The following RAB9B variants were observed in gnomAD, a reference collection of about 807,000 sequenced individuals.
RAB9B encodes RAB9B, member RAS oncogene family.
RAB9B carries 1 observed loss-of-function variant against 8.9 expected under a neutral mutation model. That is an observed-to-expected ratio of 0.11 (90% CI 0.04 to 0.53). The LOEUF is 0.53. RAB9B is among the 20% of genes least tolerant of loss of function. The pLI, the probability that RAB9B is intolerant of heterozygous loss-of-function variation, is 0.93. For missense variants in RAB9B, 82 were observed against 152.9 expected (o/e 0.54, Z 2.45); for synonymous variants, 63 against 57.0 (o/e 1.10, Z -0.47).
the RAB9B span, chrX:103,787,716 G>T: frequency 1.2e-6 from 1 of 838,111 alleles, no homozygotes; most frequent in South Asian, 2.0e-5. Context: ...TCTGGCACAC[G>T]CCACTCCAGG....
At chrX:103,816,610 A>T in the RAB9B span, among the ~76,000 whole-genome samples, 1 of 112,407 alleles carries the variant, frequency 8.9e-6, no homozygotes, top group Non-Finnish European at 1.9e-5. Context: ...GAGCTTCTGC[A>T]CAGAAAAATA....
At chrX:103,826,174 C>T (rs2074682732) in intron 2 of RAB9B, among the ~76,000 whole-genome samples, 1 of 111,742 alleles carries the variant, frequency 8.9e-6, no homozygotes, top group African/African-American at 3.3e-5. Flanking sequence ...CCGGTTTGGA[C>T]AGTTCCAAAC....
chrX:103,800,370 G>A, the RAB9B span, among the ~76,000 whole-genome samples: 1 of 111,509 alleles, frequency 9.0e-6, no homozygotes, highest in South Asian at 3.8e-4. Flanking sequence ...ATTTAATCTT[G>A]CTGAGTTGTT....
chrX:103,780,339 A>G, the RAB9B span: 2 of 112,080 alleles, frequency 1.8e-5, no homozygotes, highest in Admixed American at 9.5e-5. Flanking sequence ...CAAGGTGGAG[A>G]CAATGTGCCA....
the RAB9B span, chrX:103,790,524 C>T: frequency 9.2e-6 from 11 of 1,199,023 alleles, no homozygotes; most frequent in Non-Finnish European, 1.2e-5. Flanking sequence ...CTGTTCCCTA[C>T]AGCTCACCTT....
the RAB9B span, among the ~76,000 whole-genome samples, chrX:103,797,087 CTTT>C: frequency 1.3e-4 from 11 of 84,646 alleles, no homozygotes; most frequent in Admixed American, 2.7e-4. Context: ...GGAAAGAGAC[CTTT>C]TTTTTTTTTT....
At chrX:103,789,723 T>C in the RAB9B span, among the ~76,000 whole-genome samples, 1 of 112,106 alleles carries the variant, frequency 8.9e-6, no homozygotes, top group African/African-American at 3.2e-5. Flanking sequence ...TCTCAATACA[T>C]TTTGATCAGA....
the RAB9B span, chrX:103,786,900 C>T: frequency 1.2e-5 from 6 of 503,614 alleles, no homozygotes; most frequent in South Asian, 1.8e-4. Context: ...GCCCAGCTGG[C>T]TTAGCCTCAC....
At chrX:103,792,553 A>G in the RAB9B span, 1 of 112,901 alleles carries the variant, frequency 8.9e-6, no homozygotes, top group South Asian at 3.7e-4. Context: ...AAACTTTTAG[A>G]AACTTATCTT....
the RAB9B span, among the ~76,000 whole-genome samples, chrX:103,801,082 G>A: frequency 9.0e-6 from 1 of 111,482 alleles, no homozygotes; most frequent in African/African-American, 3.3e-5. Flanking sequence ...TAGATCCATT[G>A]TAAGCTCTGC....
chrX:103,806,023 C>A, the RAB9B span, among the ~76,000 whole-genome samples: 1 of 111,388 alleles, frequency 9.0e-6, no homozygotes, highest in Non-Finnish European at 1.9e-5. Context: ...TCACTGAAAC[C>A]TTGAACTTCT....
the RAB9B span, chrX:103,780,896 G>T: frequency 8.5e-6 from 1 of 117,762 alleles, no homozygotes; most frequent in Non-Finnish European, 1.8e-5. Context: ...GATCAAGGAG[G>T]CCTCTGTTCA....
At chrX:103,782,442 G>A in the RAB9B span, among the ~76,000 whole-genome samples, 1 of 111,878 alleles carries the variant, frequency 8.9e-6, no homozygotes, top group Non-Finnish European at 1.9e-5. Flanking sequence ...TGGTGACTCA[G>A]AATTGCTCCT....
chrX:103,821,754 T>G (rs2074661762), downstream of RAB9B, among the ~76,000 whole-genome samples: 2 of 112,016 alleles, frequency 1.8e-5, no homozygotes, highest in Non-Finnish European at 3.8e-5. Flanking sequence ...ATCTTATTTT[T>G]TATGCAACGT....
At chrX:103,815,528 A>G in the RAB9B span, among the ~76,000 whole-genome samples, 1 of 112,347 alleles carries the variant, frequency 8.9e-6, no homozygotes, top group Non-Finnish European at 1.9e-5. Flanking sequence ...GGCACAAGAC[A>G]AGGATGCCCT....
At chrX:103,812,197 C>T in the RAB9B span, among the ~76,000 whole-genome samples, 1 of 110,590 alleles carries the variant, frequency 9.0e-6, no homozygotes, top group African/African-American at 3.3e-5. Flanking sequence ...TATGAAGGCT[C>T]CACTCTCACG....
chrX:103,795,891 G>C, the RAB9B span, among the ~76,000 whole-genome samples: 1 of 111,839 alleles, frequency 8.9e-6, no homozygotes, highest in Admixed American at 9.4e-5. Flanking sequence ...AAAAAAATTT[G>C]TCATTTTCAG....
the RAB9B span, among the ~76,000 whole-genome samples, chrX:103,783,793 T>A: frequency 8.9e-6 from 1 of 111,930 alleles, no homozygotes; most frequent in Non-Finnish European, 1.9e-5. Flanking sequence ...AATCCAAGCC[T>A]AAGTAATTAA....
chrX:103,827,727 T>C (rs1425799247), intron 1 of RAB9B, among the ~76,000 whole-genome samples: 1 of 112,057 alleles, frequency 8.9e-6, no homozygotes, highest in African/African-American at 3.3e-5. Flanking sequence ...AGTGCAGTGG[T>C]GCAGTCATGG....
Sources: allele counts gnomAD v4.1 joint callset (sites outside exome capture counted in the v4.1 genomes callset), GRCh38; gene constraint gnomAD v4.1.1; transcripts MANE v1.5; gene names NCBI Gene and HGNC (gene_info 2026-07-23, HGNC 2026-07-21).